Variants in TMEM26 observed in about 807,000 individuals in gnomAD.
TMEM26 encodes transmembrane protein 26.
TMEM26 carries 38 observed loss-of-function variants against 28.8 expected under a neutral mutation model. That is an observed-to-expected ratio of 1.32 (90% confidence interval 1.02 to 1.73). The LOEUF (loss-of-function observed/expected upper bound fraction) is 1.73, where lower values mean the gene tolerates loss of function less well. TMEM26 is among the 40% of genes most tolerant of loss of function. TMEM26 has a pLI of 0.00. For synonymous variants in TMEM26, 227 were observed against 182.9 expected (o/e 1.24, Z -1.95); for missense variants, 518 against 447.1 (o/e 1.16, Z -1.43).
chr10:61,425,442 A>G (rs1215865573), intron 4 of TMEM26, among the ~76,000 whole-genome samples: 4 of 152,218 alleles, frequency 2.6e-5, no homozygotes, highest in African/African-American at 9.6e-5. Context: ...ATATTGATAG[A>G]TTTGAACTTC....
At position 61,438,782 on chromosome 10, in the gene TMEM26, T is replaced by C. The variant is rs552084954; in HGVS notation, c.192-2534A>G. On this transcript the variant is annotated intron_variant, in intron 1 of 5. Transcript: ENST00000399298. ...ATTCGAAGACTTCATTATCTGATCT[T>C]ATCTCCACTTTTCCTCCCTTACCAC... is the stretch of plus-strand genomic sequence containing the variant. Among the ~76,000 whole-genome samples the C allele has an allele frequency of 5.3e-5, 8 of 152,342 alleles. No homozygotes were observed. In the East Asian group the frequency reaches 1.5e-3, roughly 29 times the overall value.
intron 4 of TMEM26, among the ~76,000 whole-genome samples, chr10:61,417,319 A>T (rs1373619800): frequency 6.6e-6 from 1 of 152,012 alleles, no homozygotes; most frequent in South Asian, 2.1e-4. Context: ...AAGATAAAAG[A>T]CTGGCATTTG....
intron 1 of TMEM26, 165 bp downstream of exon 1, chr10:61,452,726 G>T: frequency 1.2e-6 from 1 of 830,678 alleles, no homozygotes; most frequent in Non-Finnish European, 1.9e-6. Context: ...GCCCTGGGGT[G>T]CCCAAGAGAT....
At chr10:61,434,337 A>T (rs1293513765) in intron 2 of TMEM26, among the ~76,000 whole-genome samples, 1 of 152,160 alleles carries the variant, frequency 6.6e-6, no homozygotes, top group Admixed American at 6.5e-5. Context: ...TTAAAAAGGG[A>T]ACTTTTGGTT....
chr10:61,410,525 A>G lies in TMEM26; in HGVS notation c.904T>C (p.Tyr302His), dbSNP rs1274718003. The G allele has an allele frequency of 6.2e-7, 1 of 1,614,146 alleles. No homozygotes were observed. The highest frequency in any genetic ancestry group is 8.5e-7 in the Non-Finnish European group (1 of 1,180,020). The change falls in exon 6 of 6, where the codon TAC (tyrosine) becomes CAC (histidine). Residue 302 changes from tyrosine (Y) to histidine (H), a missense_variant. By Grantham distance (83) the Tyr-to-His change is moderately conservative (BLOSUM62 2). Transcript: ENST00000399298. ...GCCAATGCCAGCACCACCAAGCGGT[A>G]GAGTTGCAACACCACCACGAGGAAG... ...KNFLVVVLQL[Y>H]RLVVLALAVR...
At chr10:61,437,652 G>T (rs1343929506) in intron 1 of TMEM26, among the ~76,000 whole-genome samples, 2 of 152,044 alleles carry the variant, frequency 1.3e-5, no homozygotes, top group East Asian at 1.9e-4. Flanking sequence ...AGGCAGAGTG[G>T]TCTGGGCCTG....
chr10:61,428,875 G>T, intron 4 of TMEM26, 51 bp downstream of exon 4: 2 of 1,476,428 alleles, frequency 1.4e-6, no homozygotes, highest in African/African-American at 1.4e-5. Context: ...AGAGACAGGT[G>T]CATGGTCTTG....
intron 1 of TMEM26, among the ~76,000 whole-genome samples, chr10:61,450,242 G>T (rs1840254111): frequency 6.6e-6 from 1 of 152,090 alleles, no homozygotes; most frequent in South Asian, 2.1e-4. Context: ...TAGAGGTATA[G>T]ATGTTGCCAT....
At chr10:61,420,023 A>T (rs1204521457) in intron 4 of TMEM26, among the ~76,000 whole-genome samples, 2 of 152,170 alleles carry the variant, frequency 1.3e-5, no homozygotes, top group Non-Finnish European at 2.9e-5. Context: ...CCCCACACAC[A>T]GTTGAAAATC....
chr10:61,421,731 A>G (rs1287283428), intron 4 of TMEM26, among the ~76,000 whole-genome samples: 1 of 152,152 alleles, frequency 6.6e-6, no homozygotes, highest in African/African-American at 2.4e-5. Context: ...TCCAATAGGA[A>G]CCAGCATCTT....
intron 1 of TMEM26, among the ~76,000 whole-genome samples, chr10:61,450,955 A>T (rs1454347302): frequency 6.6e-6 from 1 of 152,204 alleles, no homozygotes; most frequent in African/African-American, 2.4e-5. Flanking sequence ...CAGTCAACAT[A>T]TATTATTTTA....
chr10:61,447,037 A>G (rs1840196194), intron 1 of TMEM26, among the ~76,000 whole-genome samples: 1 of 152,114 alleles, frequency 6.6e-6, no homozygotes, highest in African/African-American at 2.4e-5. Context: ...CCTCAGATAC[A>G]CTAAAAAGCT....
intron 4 of TMEM26, among the ~76,000 whole-genome samples, chr10:61,419,235 C>A (rs1006622316): frequency 6.6e-6 from 1 of 151,908 alleles, no homozygotes; most frequent in Admixed American, 6.6e-5. Context: ...ATGCCCAGTT[C>A]TCAACAAAGG....
chr10:61,421,544 A>G (rs1029898730), intron 4 of TMEM26, among the ~76,000 whole-genome samples: 1 of 152,094 alleles, frequency 6.6e-6, no homozygotes, highest in Non-Finnish European at 1.5e-5. Context: ...TCCAATGACT[A>G]TTGTCCTTAT....
chr10:61,410,561 C>T lies in TMEM26; in HGVS notation c.868G>A (p.Ala290Thr). The change falls in exon 6 of 6, where the codon GCC (alanine) becomes ACC (threonine). Residue 290 changes from alanine (A) to threonine (T), a missense_variant. Transcript: ENST00000399298. ...KVINQMLVFF[A>T]AKNFLVVVLQ... ...ACCACCACGAGGAAGTTCTTCGCGGCAAAGAACACCAGCATCTGATTGATC... is the reference window on the plus strand; with the variant it reads ...ACCACCACGAGGAAGTTCTTCGCGGTAAAGAACACCAGCATCTGATTGATC... 1 of 1,614,118 alleles carries T rather than the reference C, an allele frequency of 6.2e-7. No homozygotes were observed. Among genetic ancestry groups the T allele is most frequent in the South Asian group, 1.1e-5 (1 of 91,074 alleles).
Position 61,410,567 on chromosome 10 carries a change from A to C in TMEM26, c.862T>G (p.Phe288Val). 1 of 1,614,122 alleles carries C rather than the reference A, an allele frequency of 6.2e-7. No homozygotes were observed. The highest frequency in any genetic ancestry group is 8.5e-7 in the Non-Finnish European group (1 of 1,180,022). The change falls in exon 6 of 6, where the codon TTC becomes GTC. Residue 288 changes from phenylalanine to valine, a missense_variant. Coordinates refer to ENST00000399298, the MANE Select transcript of TMEM26 (RefSeq NM_178505.8). ...YFKVINQMLV[F>V]FAAKNFLVVV... ...ACGAGGAAGTTCTTCGCGGCAAAGA[A>C]CACCAGCATCTGATTGATCACTTTG...
At chr10:61,440,548 C>T (rs555242521) in intron 1 of TMEM26, among the ~76,000 whole-genome samples, 27 of 151,074 alleles carry the variant, frequency 1.8e-4, no homozygotes, top group African/African-American at 5.8e-4. Context: ...AGTGCTGTCC[C>T]AACTGAAGCC....
At chr10:61,413,347 A>G (rs1392792790) in intron 5 of TMEM26, 112 bp downstream of exon 5, 1 of 1,474,584 alleles carries the variant, frequency 6.8e-7, no homozygotes, top group Non-Finnish European at 9.0e-7. Flanking sequence ...AACTAGAACT[A>G]ATATTGGGAT....
chr10:61,411,700 T>C (rs1839572283), intron 5 of TMEM26, among the ~76,000 whole-genome samples: 1 of 152,176 alleles, frequency 6.6e-6, no homozygotes, highest in Non-Finnish European at 1.5e-5. Context: ...GGAGGTGCAA[T>C]CAACAGAAGA....
Sources: allele counts gnomAD v4.1 joint callset (sites outside exome capture counted in the v4.1 genomes callset), GRCh38; gene constraint gnomAD v4.1.1; transcripts MANE v1.5; gene names NCBI Gene and HGNC (gene_info 2026-07-23, HGNC 2026-07-21).